The following ANO2 variants were observed in gnomAD, a reference collection of about 807,000 sequenced individuals.
ANO2 encodes anoctamin-2.
A neutral mutation model predicts 124.2 loss-of-function variants in ANO2; 101 were observed. The ratio of observed to expected loss-of-function variants is 0.81; its 90% CI spans 0.69 to 0.96. The LOEUF (loss-of-function observed/expected upper bound fraction) is 0.96. ANO2 is among the 40% of genes least tolerant of loss of function. The probability of loss-of-function intolerance (pLI) is 0.00; values close to 1 mark genes in which losing one functional copy is unlikely to be tolerated. For synonymous variants in ANO2, 486 were observed against 482.5 expected (o/e 1.01, Z -0.09); for missense variants, 1,293 against 1,274.5 (o/e 1.01, Z -0.22).
At chr12:5,860,278 G>C (rs1038055211) in intron 3 of ANO2, among the ~76,000 whole-genome samples, 2 of 152,092 alleles carry the variant, frequency 1.3e-5, no homozygotes, top group Non-Finnish European at 1.5e-5. Flanking sequence ...CCTTCCTCTT[G>C]CTTGTGCAAT....
chr12:5,800,504 A>ATAGGGAAGTTACT (rs1953006205), intron 9 of ANO2, among the ~76,000 whole-genome samples: 2 of 152,244 alleles, frequency 1.3e-5, no homozygotes, highest in African/African-American at 4.8e-5. Context: ...GGAATGGTCC[A>ATAGGGAAGTTACT]GGGAAGAGAT....
At position 5,799,624 on chromosome 12, in the gene ANO2, CT is replaced by C; in HGVS notation, c.991-54del. ...TAGAGGTAGAGATGGGAAACTTCACCTGATTTTGTCCATCCTAACAAGTCAG... is the reference window on the plus strand; with the variant it reads ...TAGAGGTAGAGATGGGAAACTTCACCGATTTTGTCCATCCTAACAAGTCAG... On this transcript the variant is annotated intron_variant, in intron 9 of 24. Coordinates refer to ENST00000682330, the MANE Select transcript of ANO2 (RefSeq NM_001364791.2). The C allele has an allele frequency of 2.0e-6, 3 of 1,527,634 alleles. No homozygotes were observed. The South Asian group carries it at 3.4e-5, about 17-fold the overall frequency. The allele number at this position is 1,527,634 out of a possible 1,614,324, so 94.6% of individuals were successfully genotyped here.
At chr12:5,577,442 CA>C (rs1182553984) in intron 22 of ANO2, among the ~76,000 whole-genome samples, 1 of 152,202 alleles carries the variant, frequency 6.6e-6, no homozygotes, top group Admixed American at 6.5e-5. Context: ...ACATATCTGG[CA>C]AGGGAGTTAA....
intron 2 of ANO2, 135 bp downstream of exon 2, chr12:5,922,485 C>T: frequency 1.0e-6 from 1 of 1,001,126 alleles, no homozygotes; most frequent in Non-Finnish European, 1.4e-6. Context: ...AGAGAAAAGG[C>T]CCTACCCAAA....
intron 14 of ANO2, among the ~76,000 whole-genome samples, chr12:5,716,338 G>C (rs1950024996): frequency 6.6e-6 from 1 of 152,168 alleles, no homozygotes; most frequent in South Asian, 2.1e-4. Context: ...CTGGAGGTGG[G>C]AGGCTGCAGT....
chr12:5,877,988 G>T (rs7309691), intron 3 of ANO2, among the ~76,000 whole-genome samples: 73,281 of 152,026 alleles, frequency 0.48, 17,883 homozygotes, highest in South Asian at 0.59. Context: ...GCCCACGGCC[G>T]GGGGGTTGGA....
At chr12:5,903,208 C>T (rs1940439500) in intron 3 of ANO2, among the ~76,000 whole-genome samples, 1 of 152,104 alleles carries the variant, frequency 6.6e-6, no homozygotes, top group African/African-American at 2.4e-5. Flanking sequence ...TGGGAGATTA[C>T]ATCCAACTTA....
At chr12:5,845,093 G>C (rs1199276853) in intron 4 of ANO2, among the ~76,000 whole-genome samples, 1 of 151,856 alleles carries the variant, frequency 6.6e-6, no homozygotes, top group African/African-American at 2.4e-5. Flanking sequence ...GCAACATGGG[G>C]GAAACCCCGT....
intron 19 of ANO2, 143 bp downstream of exon 19, chr12:5,612,513 G>A: frequency 2.9e-6 from 2 of 697,418 alleles, no homozygotes; most frequent in Non-Finnish European, 4.9e-6. Flanking sequence ...GCCCCATGGG[G>A]AAAGTTATTG....
chr12:5,903,193 T>C (rs916360218), intron 3 of ANO2, among the ~76,000 whole-genome samples: 4 of 151,846 alleles, frequency 2.6e-5, no homozygotes, highest in Admixed American at 2.0e-4. Flanking sequence ...TGGGAATAAT[T>C]AGGATGGGAG....
At chr12:5,642,490 A>G (rs1328115725) in intron 15 of ANO2, among the ~76,000 whole-genome samples, 3 of 152,102 alleles carry the variant, frequency 2.0e-5, no homozygotes, top group Non-Finnish European at 2.9e-5. Flanking sequence ...TCCACCTTCA[A>G]AATAGAACTA....
chr12:5,933,512 G>A (rs1942520575), intron 1 of ANO2, among the ~76,000 whole-genome samples: 1 of 152,182 alleles, frequency 6.6e-6, no homozygotes, highest in Non-Finnish European at 1.5e-5. Context: ...GTGGGTGGGT[G>A]GATGGACAGG....
At position 5,732,526 on chromosome 12, in the gene ANO2, G is replaced by C; in HGVS notation, c.1539C>G (p.Gly513=). ...QKLETNTTEC[G]DEDDEDKLTW... is the part of the protein sequence containing the mutation. Reference sequence around the variant, plus strand: ...AGCAAGTCCAGCTTCATACCTCATCGCCACACTCCGTCGTGTTTGTTTCCA... The same window carrying C: ...AGCAAGTCCAGCTTCATACCTCATCCCCACACTCCGTCGTGTTTGTTTCCA... Residue 513 remains glycine (G), a synonymous_variant, in exon 14 of 25, where the codon GGC becomes GGG. Transcript: ENST00000682330. 6.2e-7 allele frequency: 1 copy of C among 1,612,156 alleles called. No homozygotes were observed. Among genetic ancestry groups the C allele is most frequent in the Non-Finnish European group, 8.5e-7 (1 of 1,179,024 alleles).
At chr12:5,805,945 A>G in intron 9 of ANO2, 107 bp downstream of exon 9, 1 of 1,116,872 alleles carries the variant, frequency 9.0e-7, no homozygotes, top group South Asian at 1.6e-5. Flanking sequence ...ATTGTTGGAA[A>G]GTAGATAAGC....
chr12:5,744,002 TAAAGA>T (rs1331905513), intron 12 of ANO2, among the ~76,000 whole-genome samples, 150 bp downstream of exon 12: 3 of 151,938 alleles, frequency 2.0e-5, no homozygotes, highest in Non-Finnish European at 2.9e-5. Context: ...CACATATGAG[TAAAGA>T]AAAGAAAAGT....
chr12:5,679,847 T>C (rs946770519), intron 14 of ANO2, among the ~76,000 whole-genome samples: 4 of 152,194 alleles, frequency 2.6e-5, no homozygotes, highest in Non-Finnish European at 5.9e-5. Context: ...CATATATTCA[T>C]TGCAGCACTA....
chr12:5,779,525 T>G (rs1391362389), intron 10 of ANO2, among the ~76,000 whole-genome samples: 1 of 152,136 alleles, frequency 6.6e-6, no homozygotes, highest in Non-Finnish European at 1.5e-5. Context: ...AAGTCATGGG[T>G]GAAAATCTGC....
chr12:5,636,756 C>G lies in ANO2; in HGVS notation c.1621-1409G>C, dbSNP rs150867532. On this transcript the variant is annotated intron_variant, in intron 15 of 24. Transcript: ENST00000682330. This position sits in a 1 kb window ranked among gnomAD's most constrained non-coding sequence, Gnocchi z 4.6. ...GGCCTCTGGCTTGGGCAGTGCTTTGCAAGCAGTGTGAATGACACTCCAGTG... is the reference window on the plus strand; with the variant it reads ...GGCCTCTGGCTTGGGCAGTGCTTTGGAAGCAGTGTGAATGACACTCCAGTG... 1.3e-5 allele frequency among the ~76,000 whole-genome samples: 2 copies of G among 151,988 alleles called. No individual in the cohort carries two copies. Among genetic ancestry groups the G allele is most frequent in the African/African-American group, 4.8e-5 (2 of 41,452 alleles).
chr12:5,799,374 G>A lies in ANO2; in HGVS notation c.1055+133C>T, dbSNP rs140377134. ...GCTTCCCCACCCATGAGACACAGAG[G>A]AGTGGATCATAGAAGCTAGAAAAGA... On this transcript the variant is annotated intron_variant, in intron 10 of 24. Coordinates refer to ENST00000682330, the MANE Select transcript of ANO2 (RefSeq NM_001364791.2). 320 of 776,048 alleles carry A rather than the reference G, an allele frequency of 4.1e-4. 2 individuals are homozygous for A. In the African/African-American group the frequency reaches 5.0e-3, roughly 12 times the overall value. 48.1% of individuals were successfully genotyped at this position (776,048 alleles called of 1,614,324 possible).
Sources: allele counts gnomAD v4.1 joint callset (sites outside exome capture counted in the v4.1 genomes callset), GRCh38; gene constraint gnomAD v4.1.1; non-coding constraint Gnocchi (gnomAD v3.1); transcripts MANE v1.5; gene names NCBI Gene and HGNC (gene_info 2026-07-23, HGNC 2026-07-21).